The following MPHOSPH8 variants were observed in gnomAD, a reference collection of about 807,000 sequenced individuals.
MPHOSPH8 encodes the protein M-phase phosphoprotein 8.
Under a neutral mutation model 87.3 loss-of-function variants are expected in MPHOSPH8, and 45 were observed. That is an observed-to-expected ratio of 0.52 (90% confidence interval 0.41 to 0.66). The LOEUF (loss-of-function observed/expected upper bound fraction) is 0.66. MPHOSPH8 is among the 30% of genes least tolerant of loss of function. The pLI is 0.00. For missense variants in MPHOSPH8, 883 were observed against 1,020.2 expected, an observed-to-expected ratio of 0.87 and a Z score of 1.83; for synonymous variants, 366 against 376.9, an observed-to-expected ratio of 0.97 and a Z score of 0.33.
At chr13:19,652,466 C>T (rs546346572) in intron 5 of MPHOSPH8, among the ~76,000 whole-genome samples, 9 of 152,250 alleles carry the variant, frequency 5.9e-5, no homozygotes, top group South Asian at 2.1e-4. Flanking sequence ...GTGGCTATGC[C>T]GCCAGGGCCC....
At chr13:19,656,277 C>CA (rs71198922) in intron 5 of MPHOSPH8, among the ~76,000 whole-genome samples, 6,204 of 72,152 alleles carry the variant, frequency 0.086, 917 homozygotes, top group African/African-American at 0.21. Flanking sequence ...AGACTGTTGT[C>CA]AAAAAAAAAA....
intron 10 of MPHOSPH8, among the ~76,000 whole-genome samples, chr13:19,667,762 A>C (rs887681927): frequency 1.3e-5 from 2 of 152,208 alleles, no homozygotes; most frequent in Non-Finnish European, 2.9e-5. Flanking sequence ...TTTTCAAATA[A>C]ATTCTCAATC....
chr13:19,663,067 T>G lies in MPHOSPH8; in HGVS notation c.1960T>G (p.Leu654Val). Residue 654 changes from leucine to valine, a missense_variant, in exon 9 of 14, where the codon TTG (leucine) becomes GTG (valine). Coordinates refer to ENST00000361479, the MANE Select transcript of MPHOSPH8 (RefSeq NM_017520.4). ...CTTTTTAACAACAGTGGCTATTCTT[T>G]TGGAAGCAGGAGCTTTTGTAAATGT... is the stretch of plus-strand genomic sequence containing the variant. ...KNFLTTVAILLEAGAFVNVQQ... is the reference protein window; with the variant it reads ...KNFLTTVAILVEAGAFVNVQQ... The G allele has an allele frequency of 6.2e-7, 1 of 1,614,000 alleles. No individual in the cohort carries two copies. Among genetic ancestry groups the G allele is most frequent in the Non-Finnish European group, 8.5e-7 (1 of 1,179,784 alleles).
In MPHOSPH8 at chr13:19,661,821, A is replaced by T. The variant is rs1875545928; in HGVS notation, c.1915A>T (p.Ile639Phe). 1 of 1,611,362 alleles carries T rather than the reference A, an allele frequency of 6.2e-7. No homozygotes were observed. Among genetic ancestry groups the T allele is most frequent in the Non-Finnish European group, 8.5e-7 (1 of 1,178,612 alleles). Residue 639 changes from isoleucine to phenylalanine, a missense_variant, in exon 8 of 14, where the codon ATT (isoleucine) becomes TTT (phenylalanine). Physicochemically the swap from Ile to Phe is conservative, Grantham distance 21. Transcript: ENST00000361479. The part of the protein sequence containing the change: ...GRQKNGTTAL[I>F]HAAEKNFLTT... ...GCAGAAGAACGGGACCACCGCCCTC[A>T]TTCATGCTGCAGAGAAGGTTTGTGG... is the stretch of plus-strand genomic sequence containing the variant.
At chr13:19,660,597 A>G (rs759496375) in intron 7 of MPHOSPH8, among the ~76,000 whole-genome samples, 3 of 152,214 alleles carry the variant, frequency 2.0e-5, no homozygotes, top group Admixed American at 6.5e-5. Context: ...TGGTAATTCT[A>G]CATTCACTCA....
At chr13:19,641,772 G>A (rs1414673757) in intron 1 of MPHOSPH8, among the ~76,000 whole-genome samples, 2 of 151,632 alleles carry the variant, frequency 1.3e-5, no homozygotes, top group African/African-American at 2.4e-5. Context: ...CTGGGATTAC[G>A]GGCATGAGCC....
intron 1 of MPHOSPH8, among the ~76,000 whole-genome samples, chr13:19,636,468 T>A (rs1190263397): frequency 6.6e-6 from 1 of 152,040 alleles, no homozygotes; most frequent in East Asian, 1.9e-4. Context: ...AATTAAATTC[T>A]AATAGTGTAT....
At chr13:19,651,943 C>CA (rs59967111) in intron 5 of MPHOSPH8, among the ~76,000 whole-genome samples, 1,602 of 150,192 alleles carry the variant, frequency 0.011, 22 homozygotes, top group Non-Finnish European at 0.017. Context: ...ACTAAAAATA[C>CA]AAAAAAAAAT....
At chr13:19,649,289 G>A (rs555635824) in intron 4 of MPHOSPH8, among the ~76,000 whole-genome samples, 180 of 152,026 alleles carry the variant, frequency 1.2e-3, no homozygotes, top group Non-Finnish European at 2.1e-3. Flanking sequence ...TTTCCTCCTA[G>A]TATCTTGTAT....
intron 8 of MPHOSPH8, among the ~76,000 whole-genome samples, 163 bp downstream of exon 8, chr13:19,662,001 G>A (rs1178750193): frequency 6.6e-6 from 1 of 151,736 alleles, no homozygotes; most frequent in Non-Finnish European, 1.5e-5. Context: ...GAGTGCAGTG[G>A]CACGATCTCA....
intron 5 of MPHOSPH8, among the ~76,000 whole-genome samples, chr13:19,654,846 G>A (rs749293590): frequency 2.0e-5 from 3 of 152,092 alleles, no homozygotes; most frequent in Non-Finnish European, 4.4e-5. Flanking sequence ...TACTCAGGAA[G>A]TTGAGGCAGG....
chr13:19,648,020 T>C (rs1192518528), intron 3 of MPHOSPH8, among the ~76,000 whole-genome samples: 2 of 152,086 alleles, frequency 1.3e-5, no homozygotes, highest in Admixed American at 1.3e-4. Context: ...TGTAAAAATA[T>C]GTGTGTAATG....
At chr13:19,642,041 T>G (rs1874320346) in intron 1 of MPHOSPH8, 74 bp from the exon 2 acceptor site, 1 of 656,194 alleles carries the variant, frequency 1.5e-6, no homozygotes, top group South Asian at 6.3e-5. Flanking sequence ...TTCTCATCAG[T>G]TTTTTTTTTT....
At position 19,649,997 on chromosome 13, in the gene MPHOSPH8, C is replaced by T. The variant is rs747401464; in HGVS notation, c.1319-6C>T. The T allele has an allele frequency of 1.7e-5, 27 of 1,554,254 alleles. No homozygotes were observed. Among genetic ancestry groups the T allele is most frequent in the East Asian group, 2.3e-5 (1 of 44,442 alleles). ...ACTTAACCATCTATTTTAATTTTTT[C>T]GTTAGCACTTAAGGAAATCAGAAAT... is the stretch of plus-strand genomic sequence containing the variant. On this transcript the variant is annotated splice_region_variant and splice_polypyrimidine_tract_variant and intron_variant, in intron 4 of 13. Transcript: ENST00000361479.
intron 1 of MPHOSPH8, among the ~76,000 whole-genome samples, chr13:19,639,345 C>G (rs1228571339): frequency 6.6e-6 from 1 of 151,260 alleles, no homozygotes; most frequent in Non-Finnish European, 1.5e-5. Context: ...GAATCTTGCT[C>G]TGTCACCCAG....
At chr13:19,670,985 A>T (rs1277821925) in intron 12 of MPHOSPH8, 4 of 1,161,128 alleles carry the variant, frequency 3.4e-6, no homozygotes, top group Non-Finnish European at 4.6e-6. Context: ...ACATCCGGCT[A>T]ATTTTTTGTA....
intron 11 of MPHOSPH8, among the ~76,000 whole-genome samples, chr13:19,669,684 T>C (rs983919036): frequency 1.3e-5 from 2 of 151,878 alleles, no homozygotes; most frequent in African/African-American, 2.4e-5. Flanking sequence ...AAATTTTGTG[T>C]TCTTAGTAGA....
intron 9 of MPHOSPH8, among the ~76,000 whole-genome samples, chr13:19,663,492 G>A (rs1875658747): frequency 6.6e-6 from 1 of 152,238 alleles, no homozygotes; most frequent in South Asian, 2.1e-4. Flanking sequence ...GCAGCAGGGA[G>A]GCTGCTGGCC....
chr13:19,670,481 A>T lies in MPHOSPH8; in HGVS notation c.2457+118A>T, dbSNP rs558464683. ...ATAAGCATTCAGAAAACGATCCAGT[A>T]ATAGTGGTTGGGAATGAGGCAATAC... On this transcript the variant is annotated intron_variant, in intron 12 of 13. Transcript: ENST00000361479. The T allele has an allele frequency of 2.9e-3, 3,537 of 1,214,538 alleles. 11 individuals are homozygous for T. The highest frequency in any genetic ancestry group is 6.2e-3 in the Middle Eastern group (22 of 3,524). 75.2% of individuals were successfully genotyped at this position (1,214,538 alleles called of 1,614,324 possible).
Sources: gnomAD v4.1 joint callset for allele counts (sites outside exome capture counted in the v4.1 genomes callset) on GRCh38, gnomAD v4.1.1 for gene constraint, MANE v1.5 for transcripts, NCBI Gene and HGNC (gene_info 2026-07-23, HGNC 2026-07-21) for gene names.